The following UBE2Q2 variants were observed in gnomAD, a reference collection of about 807,000 sequenced individuals.
UBE2Q2 encodes the protein ubiquitin conjugating enzyme E2 Q2, also known as ubiquitin-conjugating enzyme E2 Q2.
UBE2Q2 carries 54 observed loss-of-function variants against 59.9 expected under a neutral mutation model. The ratio of observed to expected loss-of-function variants is 0.90; its 90% CI spans 0.72 to 1.13. The LOEUF (loss-of-function observed/expected upper bound fraction) is 1.13, where lower values mean the gene tolerates loss of function less well. Ranked by LOEUF, UBE2Q2 falls within the 50% of genes most tolerant of loss-of-function variation. The probability of loss-of-function intolerance (pLI) is 0.00; values close to 1 mark genes in which losing one functional copy is unlikely to be tolerated. For missense variants in UBE2Q2, 433 were observed against 441.9 expected, an observed-to-expected ratio of 0.98 and a Z score of 0.18; for synonymous variants, 165 against 155.2, an observed-to-expected ratio of 1.06 and a Z score of -0.47.
At chr15:75,844,610 G>C (rs1896226675) in intron 1 of UBE2Q2, 2 of 1,132,034 alleles carry the variant, frequency 1.8e-6, no homozygotes, top group Admixed American at 5.7e-5. Context: ...AAGCCGAAAA[G>C]ACACTTTTAA....
intron 1 of UBE2Q2, among the ~76,000 whole-genome samples, chr15:75,846,600 A>G (rs1403042152): frequency 6.6e-6 from 1 of 152,206 alleles, no homozygotes; most frequent in Admixed American, 6.5e-5. Flanking sequence ...TTAGAAGGGA[A>G]AGATCAAGGG....
chr15:75,891,803 T>C (rs1899125568), intron 11 of UBE2Q2, among the ~76,000 whole-genome samples: 1 of 152,100 alleles, frequency 6.6e-6, no homozygotes, highest in African/African-American at 2.4e-5. Flanking sequence ...AAGCCGGAGG[T>C]TTGTTACCAT....
At chr15:75,878,140 G>A (rs2141632390) in intron 7 of UBE2Q2, 119 bp downstream of exon 7, 1 of 766,942 alleles carries the variant, frequency 1.3e-6, no homozygotes, top group Admixed American at 3.2e-5. Context: ...TTTAGACTTT[G>A]TTTCTATAGA....
chr15:75,876,895 A>G (rs1898115067), intron 6 of UBE2Q2, among the ~76,000 whole-genome samples: 1 of 152,134 alleles, frequency 6.6e-6, no homozygotes, highest in Admixed American at 6.6e-5. Flanking sequence ...GGTGGCTCAC[A>G]CTTATAATCC....
At chr15:75,857,691 C>T (rs1462058262) in intron 2 of UBE2Q2, among the ~76,000 whole-genome samples, 1 of 150,872 alleles carries the variant, frequency 6.6e-6, no homozygotes, top group Non-Finnish European at 1.5e-5. Flanking sequence ...TTAATGTCCA[C>T]CAATAAAGAG....
intron 2 of UBE2Q2, among the ~76,000 whole-genome samples, chr15:75,855,460 C>T (rs1896852613): frequency 6.6e-6 from 1 of 150,416 alleles, no homozygotes; most frequent in African/African-American, 2.4e-5. Flanking sequence ...TATTATACTC[C>T]AGCCTGGGTA....
At chr15:75,886,287 T>G (rs1898763927) in intron 9 of UBE2Q2, among the ~76,000 whole-genome samples, 1 of 152,002 alleles carries the variant, frequency 6.6e-6, no homozygotes, top group African/African-American at 2.4e-5. Flanking sequence ...GCCCAGCTAA[T>G]TTTTGTATTT....
At chr15:75,844,419 C>T in intron 1 of UBE2Q2, 3 of 1,551,626 alleles carry the variant, frequency 1.9e-6, no homozygotes, top group Non-Finnish European at 1.7e-6. Flanking sequence ...TGAGCGACCC[C>T]TCTCCCCCGG....
Position 75,876,215 on chromosome 15 carries a change from C to G in UBE2Q2, c.617C>G (p.Ser206Ter). Reference protein sequence around the residue: ...NGAVSGSVQASDRLMKELRDI... With the variant: ...NGAVSGSVQA ...GCAGTGTCTGGGTCAGTGCAAGCTT[C>G]AGATAGACTTATGAAAGAGCTCAGG... Residue 206 changes from serine (S) to a stop codon, truncating the protein, a stop_gained, in exon 6 of 13, where the codon TCA (serine) becomes TGA (stop). Coordinates refer to ENST00000267938, the MANE Select transcript of UBE2Q2 (RefSeq NM_173469.4). LOFTEE classifies it high-confidence loss of function. 2.5e-6 allele frequency: 4 copies of G among 1,614,016 alleles called. No homozygotes were observed. The highest frequency in any genetic ancestry group is 3.4e-6 in the Non-Finnish European group (4 of 1,179,944).
intron 3 of UBE2Q2, among the ~76,000 whole-genome samples, chr15:75,863,482 C>T (rs141568508): frequency 0.015 from 2,187 of 150,490 alleles, 60 homozygotes; most frequent in African/African-American, 0.049. Flanking sequence ...GTCTCTCTGT[C>T]GCCCAGGGTG....
rs763482192 is a variant in UBE2Q2, at chr15:75,843,806, A to G, written c.140A>G (p.His47Arg). The change falls in exon 1 of 13, where the codon CAC (histidine) becomes CGC (arginine). Residue 47 changes from histidine (H) to arginine (R), a missense_variant. Physicochemically the swap from His to Arg is conservative, Grantham distance 29 (BLOSUM62 0). Transcript: ENST00000267938. ...CTGGTGCCGCAGCAGGGCAGCCCGC[A>G]CTCGCTGCCGCCGCCACTCACGCTC... Reference protein sequence around the residue: ...QFLVPQQGSPHSLPPPLTLHC... With the variant: ...QFLVPQQGSPRSLPPPLTLHC... 49 of 1,601,054 alleles carry G rather than the reference A, an allele frequency of 3.1e-5. No homozygotes were observed. The East Asian group carries it at 1.1e-3, about 36-fold the overall frequency.
Position 75,898,888 on chromosome 15 carries a change from G to C in UBE2Q2, c.1097-539G>C, listed in dbSNP as rs573782577. 3.1e-4 allele frequency among the ~76,000 whole-genome samples: 47 copies of C among 152,224 alleles called. 1 individual carries two copies. In the South Asian group the frequency reaches 9.5e-3, roughly 31 times the overall value. ...ACAGAGCTCTTGTGTTGAAAACTCA[G>C]GTACAATTTATTCATAGAAAATAAC... On this transcript the variant is annotated intron_variant, in intron 12 of 12. Coordinates refer to ENST00000267938, the MANE Select transcript of UBE2Q2 (RefSeq NM_173469.4).
chr15:75,863,517 C>A (rs1055490564), intron 3 of UBE2Q2, among the ~76,000 whole-genome samples: 1 of 151,492 alleles, frequency 6.6e-6, no homozygotes, highest in Non-Finnish European at 1.5e-5. Context: ...GATCTCAACT[C>A]ACTGCAACCT....
chr15:75,882,238 A>T (rs1898472769), intron 8 of UBE2Q2, among the ~76,000 whole-genome samples: 1 of 152,282 alleles, frequency 6.6e-6, no homozygotes, highest in East Asian at 1.9e-4. Context: ...ATCTCAGATA[A>T]CTTTCTGAGA....
Position 75,900,349 on chromosome 15 carries a change from T to G in UBE2Q2, c.*891T>G, listed in dbSNP as rs1419134378. The G allele has an allele frequency of 6.6e-6, 1 of 152,598 alleles. No individual in the cohort carries two copies. Among genetic ancestry groups the G allele is most frequent in the South Asian group, 2.1e-4 (1 of 4,832 alleles). The allele number at this position is 152,598 out of a possible 1,614,324, so 9.5% of individuals were successfully genotyped here. A position where few individuals can be genotyped will look rare whatever the true frequency, so the allele number is the denominator to read the frequency against. On this transcript the variant is annotated 3_prime_UTR_variant, in exon 13 of 13. Coordinates refer to ENST00000267938, the MANE Select transcript of UBE2Q2 (RefSeq NM_173469.4). The stretch of plus-strand genomic sequence containing the variant: ...GTTAAGTACAAAAAGATACTTAATT[T>G]GGAGACTCTTACAGTAATTTTTGCC...
chr15:75,873,652 T>G (rs1030783866), intron 5 of UBE2Q2, 84 bp downstream of exon 5: 6 of 1,431,152 alleles, frequency 4.2e-6, no homozygotes, highest in African/African-American at 2.9e-5. Context: ...AACATGCCCA[T>G]CTCAGCTGCC....
At position 75,890,495 on chromosome 15, in the gene UBE2Q2, TA is replaced by T; in HGVS notation, c.933+13del. On this transcript the variant is annotated intron_variant, in intron 10 of 12. Coordinates refer to ENST00000267938, the MANE Select transcript of UBE2Q2 (RefSeq NM_173469.4). ...TTCTCACAAAACAGGTGACTTTTCTTACGATACTCCATTTTCACCCACAATT... is the reference window on the plus strand; with the variant it reads ...TTCTCACAAAACAGGTGACTTTTCTTCGATACTCCATTTTCACCCACAATT... 6.2e-7 allele frequency: 1 copy of T among 1,607,680 alleles called. No individual in the cohort carries two copies. Among genetic ancestry groups the T allele is most frequent in the Non-Finnish European group, 8.5e-7 (1 of 1,177,878 alleles).
chr15:75,866,691 T>A (rs1300313148), intron 3 of UBE2Q2, among the ~76,000 whole-genome samples: 1 of 152,194 alleles, frequency 6.6e-6, no homozygotes, highest in East Asian at 1.9e-4. Flanking sequence ...AATGTCACTG[T>A]TTGTTTTTCT....
intron 1 of UBE2Q2, among the ~76,000 whole-genome samples, chr15:75,854,071 C>G (rs1896777315): frequency 6.6e-6 from 1 of 152,098 alleles, no homozygotes; most frequent in Admixed American, 6.5e-5. Context: ...AGAAGTGAGT[C>G]ACTAGGTCCA....
Sources: gnomAD v4.1 joint callset for allele counts (sites outside exome capture counted in the v4.1 genomes callset) on GRCh38, gnomAD v4.1.1 for gene constraint, MANE v1.5 for transcripts, NCBI Gene and HGNC (gene_info 2026-07-23, HGNC 2026-07-21) for gene names.